Variants in GSDME observed in about 807,000 individuals in gnomAD.
GSDME encodes gasdermin E, also known as gasdermin-E.
In GSDME, 44 loss-of-function variants were observed where a neutral mutation model predicts 47.5. The observed-to-expected ratio is 0.93, with a 90% CI of 0.73 to 1.19. The LOEUF (loss-of-function observed/expected upper bound fraction) is 1.19. GSDME is among the 50% of genes most tolerant of loss of function. The probability of loss-of-function intolerance (pLI) is 0.00; values close to 1 mark genes in which losing one functional copy is unlikely to be tolerated. For missense variants in GSDME, 663 were observed against 604.2 expected, an observed-to-expected ratio of 1.10 and a Z score of -1.02; for synonymous variants, 258 against 252.8, an observed-to-expected ratio of 1.02 and a Z score of -0.20.
the GSDME span, among the ~76,000 whole-genome samples, chr7:24,780,140 G>A: frequency 7.9e-5 from 12 of 152,262 alleles, no homozygotes; most frequent in African/African-American, 2.7e-4. This position sits in a 1 kb window ranked among gnomAD's most constrained non-coding sequence, Gnocchi z 4.1. Flanking sequence ...CTGGCAGGAC[G>A]TCCGAGAAGT....
rs116052126 is a variant in GSDME at position 24,735,895 on chromosome 7, G to T, written c.404+8667C>A. Reference sequence around the variant, plus strand: ...TTAAGCCGGGGGACAAAGTTAAGGCGTGGAGTTTGTATTCATTTTCTTTTT... The same window carrying T: ...TTAAGCCGGGGGACAAAGTTAAGGCTTGGAGTTTGTATTCATTTTCTTTTT... On this transcript the variant is annotated intron_variant, in intron 3 of 9. Transcript: ENST00000645220. This position sits in a 1 kb window ranked among gnomAD's most constrained non-coding sequence, Gnocchi z 4.4. Among the ~76,000 whole-genome samples, 1 of 151,914 alleles carries T rather than the reference G, an allele frequency of 6.6e-6. No individual in the cohort carries two copies. The highest frequency in any genetic ancestry group is 1.9e-4 in the East Asian group (1 of 5,200).
At chr7:24,763,978 G>A in the GSDME span, among the ~76,000 whole-genome samples, 2 of 152,158 alleles carry the variant, frequency 1.3e-5, no homozygotes, top group African/African-American at 2.4e-5. The surrounding 1 kb of genome is among the most constrained non-coding windows in gnomAD (Gnocchi z 4.3). Context: ...AAAACGAGCC[G>A]TTCTTAATCT....
intron 3 of GSDME, among the ~76,000 whole-genome samples, chr7:24,737,365 A>AG (rs1447016417): frequency 1.3e-5 from 2 of 152,104 alleles, no homozygotes; most frequent in Non-Finnish European, 2.9e-5. Flanking sequence ...TACTATGAGT[A>AG]ACTATACACC....
chr7:24,774,785 C>A, the GSDME span, among the ~76,000 whole-genome samples: 1 of 152,180 alleles, frequency 6.6e-6, no homozygotes, highest in Non-Finnish European at 1.5e-5. Flanking sequence ...CCCAACTCGG[C>A]CTCCCAAAGG....
chr7:24,726,781 G>A lies in GSDME; in HGVS notation c.405-7563C>T, dbSNP rs894646447. Among the ~76,000 whole-genome samples, 7 of 150,644 alleles carry A rather than the reference G, an allele frequency of 4.6e-5. No individual in the cohort carries two copies. The highest frequency in any genetic ancestry group is 9.8e-5 in the African/African-American group (4 of 40,748). Reference sequence around the variant, plus strand: ...GAGATCGCCCACTGCACTCCAGCCCGGGGGACAGAGCGAGACTCCGTCTCA... The same window carrying A: ...GAGATCGCCCACTGCACTCCAGCCCAGGGGACAGAGCGAGACTCCGTCTCA... On this transcript the variant is annotated intron_variant, in intron 3 of 9. Coordinates refer to ENST00000645220, the MANE Select transcript of GSDME (RefSeq NM_001127453.2). This position sits in a 1 kb window ranked among gnomAD's most constrained non-coding sequence, Gnocchi z 5.6.
At position 24,726,801 on chromosome 7, in the gene GSDME, G is replaced by A. The variant is rs112541746; in HGVS notation, c.405-7583C>T. Among the ~76,000 whole-genome samples, 2,140 of 128,558 alleles carry A rather than the reference G, an allele frequency of 0.017. 67 individuals carry two copies. Among genetic ancestry groups the A allele is most frequent in the African/African-American group, 0.063 (2,042 of 32,408 alleles). The allele number at this position is 128,558 out of a possible 152,430, so 84.3% of individuals were successfully genotyped here. ...AGCCCGGGGGACAGAGCGAGACTCC[G>A]TCTCAAAAAAAAAAAAAAAAAACCA... On this transcript the variant is annotated intron_variant, in intron 3 of 9. Coordinates refer to ENST00000645220, the MANE Select transcript of GSDME (RefSeq NM_001127453.2). This position sits in a 1 kb window ranked among gnomAD's most constrained non-coding sequence, Gnocchi z 5.6.
chr7:24,768,778 G>T, the GSDME span, among the ~76,000 whole-genome samples: 8 of 152,304 alleles, frequency 5.3e-5, no homozygotes, highest in African/African-American at 1.9e-4. The surrounding 1 kb of genome is among the most constrained non-coding windows in gnomAD (Gnocchi z 5.6). Context: ...TTATGAAATG[G>T]CTTTCATCAG....
the GSDME span, among the ~76,000 whole-genome samples, chr7:24,791,346 G>A: frequency 6.6e-6 from 1 of 152,202 alleles, no homozygotes; most frequent in African/African-American, 2.4e-5. This position sits in a 1 kb window ranked among gnomAD's most constrained non-coding sequence, Gnocchi z 4.8. Flanking sequence ...CTCCACGTTT[G>A]GGCATCTTGG....
chr7:24,716,162 G>C lies in GSDME; in HGVS notation c.697+1092C>G, dbSNP rs1310579462. 6.6e-6 allele frequency among the ~76,000 whole-genome samples: 1 copy of C among 152,178 alleles called. No individual in the cohort carries two copies. The highest frequency in any genetic ancestry group is 1.5e-5 in the Non-Finnish European group (1 of 68,038). On this transcript the variant is annotated intron_variant, in intron 5 of 9. Transcript: ENST00000645220. The surrounding 1 kb of genome is among the most constrained non-coding windows in gnomAD (Gnocchi z 4.5). ...AGCAGGCATGTGCGTGGTCTATCAC[G>C]GCCCTTTTAAAAACTGCTGTTACAG...
chr7:24,777,061 T>C, the GSDME span, among the ~76,000 whole-genome samples: 1 of 152,168 alleles, frequency 6.6e-6, no homozygotes, highest in Admixed American at 6.5e-5. Context: ...ATTTTCTCTA[T>C]TTCTAAAAGT....
intron 3 of GSDME, among the ~76,000 whole-genome samples, chr7:24,738,585 C>T (rs1790384081): frequency 6.6e-6 from 1 of 152,048 alleles, no homozygotes; most frequent in Non-Finnish European, 1.5e-5. Context: ...AATGCAATCC[C>T]TACAAAATAC....
chr7:24,794,523 T>C, the GSDME span, among the ~76,000 whole-genome samples: 2 of 152,174 alleles, frequency 1.3e-5, no homozygotes, highest in African/African-American at 2.4e-5. Context: ...CGTATCTATG[T>C]ATGGAAACTG....
intron 1 of GSDME, among the ~76,000 whole-genome samples, chr7:24,750,065 G>A (rs1417852988): frequency 6.6e-6 from 1 of 152,204 alleles, no homozygotes; most frequent in Non-Finnish European, 1.5e-5. Context: ...TTTATTTGTT[G>A]CTCATACTAC....
chr7:24,706,366 A>C lies in GSDME; in HGVS notation c.1001T>G (p.Leu334Arg), dbSNP rs1454818067. 1.9e-6 allele frequency: 3 copies of C among 1,612,738 alleles called. No individual in the cohort carries two copies. The highest frequency in any genetic ancestry group is 1.7e-6 in the Non-Finnish European group (2 of 1,179,936). Residue 334 changes from leucine (L) to arginine (R), a missense_variant, in exon 8 of 10, where the codon CTG becomes CGG. Transcript: ENST00000645220. Reference protein sequence around the residue: ...LMVLEPVCDDLVSGLSPTVAV... With the variant: ...LMVLEPVCDDRVSGLSPTVAV... ...CACTGTGGGCGAGAGGCCGCTGACCAGGTCATCGCACTGTAGGGCAGGGAA... is the reference window on the plus strand; with the variant it reads ...CACTGTGGGCGAGAGGCCGCTGACCCGGTCATCGCACTGTAGGGCAGGGAA...
rs1419248996 is a variant in GSDME at position 24,756,603 on chromosome 7, C to T, written c.-20+793G>A. Among the ~76,000 whole-genome samples the T allele has an allele frequency of 6.6e-6, 1 of 152,184 alleles. No homozygotes were observed. The highest frequency in any genetic ancestry group is 2.4e-5 in the African/African-American group (1 of 41,434). On this transcript the variant is annotated intron_variant, in intron 1 of 9. Transcript: ENST00000645220. This position sits in a 1 kb window ranked among gnomAD's most constrained non-coding sequence, Gnocchi z 4.2. ...GGACAGCGACCGCAAGCCATCCATC[C>T]CTTTCATTATCCCATTCACTATTCT...
intron 1 of GSDME, among the ~76,000 whole-genome samples, chr7:24,751,072 A>C (rs1790842662): frequency 6.6e-6 from 1 of 152,252 alleles, no homozygotes; most frequent in East Asian, 1.9e-4. Context: ...AAGGGCCTTT[A>C]GAAAGACAAA....
At chr7:24,734,208 A>G (rs1185617498) in intron 3 of GSDME, among the ~76,000 whole-genome samples, 1 of 152,248 alleles carries the variant, frequency 6.6e-6, no homozygotes, top group Non-Finnish European at 1.5e-5. Flanking sequence ...TAAGAACCAC[A>G]CAGTTACTGG....
upstream of GSDME, among the ~76,000 whole-genome samples, chr7:24,759,258 A>G (rs1228376060): frequency 1.3e-5 from 2 of 152,208 alleles, no homozygotes; most frequent in African/African-American, 4.8e-5. Flanking sequence ...GACCTTAAGA[A>G]TATCCTCATA....
intron 8 of GSDME, chr7:24,704,502 C>T (rs1181042192): frequency 6.6e-6 from 1 of 152,160 alleles, no homozygotes; most frequent in Non-Finnish European, 1.5e-5. Flanking sequence ...AGCAAGAGCA[C>T]AAATGGAAGG....
Sources: gnomAD v4.1 joint callset for allele counts (sites outside exome capture counted in the v4.1 genomes callset) on GRCh38, gnomAD v4.1.1 for gene constraint, Gnocchi (gnomAD v3.1) non-coding constraint, MANE v1.5 for transcripts, NCBI Gene and HGNC (gene_info 2026-07-23, HGNC 2026-07-21) for gene names.